GALNT13: variants seen among roughly 807,000 people sequenced by gnomAD.
GALNT13 encodes polypeptide N-acetylgalactosaminyltransferase 13.
In GALNT13, 28 loss-of-function variants were observed where a neutral mutation model predicts 64.2. The observed-to-expected ratio is 0.44, with a 90% confidence interval of 0.32 to 0.60. The LOEUF is 0.60. Among genes scored for constraint, GALNT13 ranks in the 20% least tolerant of loss-of-function variants. GALNT13 has a pLI of 0.05. For synonymous variants in GALNT13, 214 were observed against 224.6 expected, an observed-to-expected ratio of 0.95 and a Z score of 0.42; for missense variants, 577 against 669.8, an observed-to-expected ratio of 0.86 and a Z score of 1.53.
intron 8 of GALNT13, among the ~76,000 whole-genome samples, chr2:154,280,975 G>A (rs747289539): frequency 1.3e-5 from 2 of 152,014 alleles, no homozygotes; most frequent in Non-Finnish European, 2.9e-5. Flanking sequence ...ATTATACAAC[G>A]AGGAAAACAA....
intron 9 of GALNT13, among the ~76,000 whole-genome samples, chr2:154,389,808 C>CA (rs545078060): frequency 1.9e-3 from 289 of 151,348 alleles, no homozygotes; most frequent in African/African-American, 6.7e-3. Context: ...TATATAGCAG[C>CA]AAAAAAAATG....
chr2:153,857,235 G>T, the GALNT13 span, among the ~76,000 whole-genome samples: 1 of 152,080 alleles, frequency 6.6e-6, no homozygotes, highest in African/African-American at 2.4e-5. Flanking sequence ...TGTGAAAATT[G>T]AGTTTTTTCA....
At position 153,900,423 on chromosome 2, in the gene GALNT13, A is replaced by G. The variant is rs1688160820; in HGVS notation, c.-176-513A>G. On this transcript the variant is annotated intron_variant, in intron 1 of 12. Coordinates refer to ENST00000392825, the MANE Select transcript of GALNT13 (RefSeq NM_052917.4). ...CAGGTCGTGTGCCTGCATTTTTCTC[A>G]GTGCATGGATTTCAATTAGAATTTA... 5.3e-5 allele frequency among the ~76,000 whole-genome samples: 8 copies of G among 152,270 alleles called. No homozygotes were observed. In the South Asian group the frequency reaches 1.7e-3, roughly 32 times the overall value.
chr2:154,076,382 G>T (rs1700988858), intron 3 of GALNT13, among the ~76,000 whole-genome samples: 2 of 151,656 alleles, frequency 1.3e-5, no homozygotes, highest in South Asian at 4.1e-4. Context: ...AAGTATTCTT[G>T]CACAAAGAGG....
intron 3 of GALNT13, among the ~76,000 whole-genome samples, chr2:154,112,898 C>A (rs1327217110): frequency 8.5e-5 from 13 of 152,178 alleles, no homozygotes; most frequent in Non-Finnish European, 1.6e-4. Context: ...GGAGTACAGA[C>A]CATGGGCATT....
chr2:153,113,862 C>A, the GALNT13 span, among the ~76,000 whole-genome samples: 1 of 152,066 alleles, frequency 6.6e-6, no homozygotes, highest in Non-Finnish European at 1.5e-5. Flanking sequence ...TTCGTGGCCA[C>A]TTTGGTGTTA....
chr2:153,495,727 C>T, the GALNT13 span, among the ~76,000 whole-genome samples: 1 of 151,972 alleles, frequency 6.6e-6, no homozygotes, highest in Non-Finnish European at 1.5e-5. Flanking sequence ...TATCAAAACA[C>T]AGAACAATGG....
chr2:154,291,805 G>A (rs991459170), intron 8 of GALNT13, among the ~76,000 whole-genome samples: 4 of 152,282 alleles, frequency 2.6e-5, no homozygotes, highest in Admixed American at 2.6e-4. Flanking sequence ...CGCTGAGGCC[G>A]AGGCCGAGGA....
the GALNT13 span, among the ~76,000 whole-genome samples, chr2:153,376,899 G>A: frequency 6.6e-6 from 1 of 152,030 alleles, no homozygotes; most frequent in Non-Finnish European, 1.5e-5. Flanking sequence ...GACAAAGGAG[G>A]GTGAATGTAT....
At chr2:154,293,102 C>G (rs780463702) in intron 8 of GALNT13, among the ~76,000 whole-genome samples, 1 of 152,050 alleles carries the variant, frequency 6.6e-6, no homozygotes, top group Non-Finnish European at 1.5e-5. Context: ...TATACATGGT[C>G]AAATTTACTT....
intron 1 of GALNT13, among the ~76,000 whole-genome samples, chr2:153,886,449 A>G (rs1306734496): frequency 6.6e-6 from 1 of 151,500 alleles, no homozygotes; most frequent in Non-Finnish European, 1.5e-5. Context: ...ATGGAATACT[A>G]TGCAGCCATA....
At chr2:154,300,915 A>C (rs1693405717) in intron 8 of GALNT13, among the ~76,000 whole-genome samples, 1 of 152,210 alleles carries the variant, frequency 6.6e-6, no homozygotes, top group Non-Finnish European at 1.5e-5. Flanking sequence ...GTAGACCTTG[A>C]GCACCTATAA....
chr2:153,634,890 A>G, the GALNT13 span, among the ~76,000 whole-genome samples: 16 of 151,972 alleles, frequency 1.1e-4, no homozygotes, highest in African/African-American at 3.6e-4. Flanking sequence ...AAGCACTGCT[A>G]TAGATTTTTT....
chr2:153,695,841 A>T, the GALNT13 span, among the ~76,000 whole-genome samples: 2 of 152,160 alleles, frequency 1.3e-5, no homozygotes, highest in Non-Finnish European at 2.9e-5. Flanking sequence ...AGGCAGAAAC[A>T]CATTGCTCTA....
the GALNT13 span, among the ~76,000 whole-genome samples, chr2:153,690,070 A>G: frequency 3.3e-5 from 5 of 152,074 alleles, no homozygotes; most frequent in Non-Finnish European, 5.9e-5. Flanking sequence ...AAAATCTACA[A>G]TTAAAGCTAT....
At chr2:153,742,538 C>T in the GALNT13 span, among the ~76,000 whole-genome samples, 2 of 152,074 alleles carry the variant, frequency 1.3e-5, no homozygotes, top group African/African-American at 2.4e-5. Context: ...CAATAGTAAA[C>T]ATTGTACCCA....
chr2:154,064,517 G>A (rs67597377), intron 3 of GALNT13, among the ~76,000 whole-genome samples: 7,095 of 152,160 alleles, frequency 0.047, 218 homozygotes, highest in South Asian at 0.11. Flanking sequence ...AGAGTACTTT[G>A]TCTTGGAACT....
At chr2:154,298,952 C>A (rs1693257735) in intron 8 of GALNT13, among the ~76,000 whole-genome samples, 1 of 131,800 alleles carries the variant, frequency 7.6e-6, no homozygotes, top group Admixed American at 7.8e-5. Flanking sequence ...TTCCTAAGAA[C>A]ATGTATCGCT....
At chr2:153,121,425 A>G in the GALNT13 span, among the ~76,000 whole-genome samples, 9 of 152,360 alleles carry the variant, frequency 5.9e-5, no homozygotes, top group Middle Eastern at 6.8e-3. Context: ...TTGAATATAT[A>G]AAACAGAAAG....
Sources: gnomAD v4.1 joint callset for allele counts (sites outside exome capture counted in the v4.1 genomes callset) on GRCh38, gnomAD v4.1.1 for gene constraint, MANE v1.5 for transcripts, NCBI Gene and HGNC (gene_info 2026-07-23, HGNC 2026-07-21) for gene names.